Variants in ABCG2 observed in about 807,000 individuals in gnomAD.
ABCG2 encodes the protein ATP binding cassette subfamily G member 2 (JR blood group), also known as broad substrate specificity ATP-binding cassette transporter ABCG2.
ABCG2 carries 80 observed loss-of-function variants against 73.5 expected under a neutral mutation model. That is an observed-to-expected ratio of 1.09 (90% CI 0.91 to 1.31). The LOEUF (loss-of-function observed/expected upper bound fraction) is 1.31, where lower values mean the gene tolerates loss of function less well. Ranked by LOEUF, ABCG2 falls within the 50% of genes most tolerant of loss-of-function variation. The pLI, the probability that ABCG2 is intolerant of heterozygous loss-of-function variation, is 0.00. For missense variants in ABCG2, 796 were observed against 786.2 expected (o/e 1.01, Z -0.15); for synonymous variants, 269 against 282.4 (o/e 0.95, Z 0.48).
At chr4:88,225,159 T>G (rs1730158515) in intron 1 of ABCG2, among the ~76,000 whole-genome samples, 2 of 152,162 alleles carry the variant, frequency 1.3e-5, no homozygotes, top group African/African-American at 4.8e-5. Context: ...TTGGTAAACT[T>G]TTTTTTGTAA....
intron 1 of ABCG2, among the ~76,000 whole-genome samples, chr4:88,152,526 G>A (rs1726577593): frequency 6.6e-6 from 1 of 152,104 alleles, no homozygotes; most frequent in Non-Finnish European, 1.5e-5. Flanking sequence ...GCGTCACAGG[G>A]TGCTCAGCGG....
intron 9 of ABCG2, 152 bp downstream of exon 9, chr4:88,113,151 T>C: frequency 1.8e-6 from 2 of 1,102,134 alleles, no homozygotes; most frequent in Non-Finnish European, 2.6e-6. Flanking sequence ...TTAATTGTCC[T>C]TTATTTGTTC....
chr4:88,145,093 C>T (rs562827420), intron 1 of ABCG2, among the ~76,000 whole-genome samples: 30 of 149,528 alleles, frequency 2.0e-4, no homozygotes, highest in African/African-American at 6.6e-4. Context: ...TCTACTCTTC[C>T]TTTTTTTTTT....
chr4:88,142,049 T>C (rs1725684529), intron 1 of ABCG2, among the ~76,000 whole-genome samples: 1 of 151,300 alleles, frequency 6.6e-6, no homozygotes, highest in South Asian at 2.1e-4. Flanking sequence ...ACATCCAGGA[T>C]GAAAATTATG....
At chr4:88,217,156 AT>A (rs1729845185) in intron 1 of ABCG2, among the ~76,000 whole-genome samples, 1 of 152,116 alleles carries the variant, frequency 6.6e-6, no homozygotes, top group Non-Finnish European at 1.5e-5. Flanking sequence ...ATCGTCCATG[AT>A]CATGGGCATA....
chr4:88,098,441 AT>A (rs544997699), intron 12 of ABCG2, among the ~76,000 whole-genome samples: 13 of 149,024 alleles, frequency 8.7e-5, no homozygotes, highest in Non-Finnish European at 4.5e-5. Flanking sequence ...CCAAACAAGT[AT>A]TTTTTTTTTA....
intron 1 of ABCG2, among the ~76,000 whole-genome samples, chr4:88,153,195 G>A (rs1726654802): frequency 7.2e-6 from 1 of 139,092 alleles, no homozygotes; most frequent in African/African-American, 2.7e-5. Flanking sequence ...TGGTGGCTTG[G>A]AGAAACAGTG....
At chr4:88,195,384 C>G (rs1728901381) in intron 1 of ABCG2, among the ~76,000 whole-genome samples, 1 of 152,138 alleles carries the variant, frequency 6.6e-6, no homozygotes, top group African/African-American at 2.4e-5. Flanking sequence ...AGGGTTTGTT[C>G]CGGGCTATCC....
At chr4:88,202,354 T>TTATATATATATATATATA (rs57530549) in intron 1 of ABCG2, among the ~76,000 whole-genome samples, 2 of 62,080 alleles carry the variant, frequency 3.2e-5, no homozygotes, top group South Asian at 1.6e-3. Context: ...CTACAATTAT[T>TTATATATATATATATATA]TATATATATA....
intron 1 of ABCG2, among the ~76,000 whole-genome samples, chr4:88,147,316 C>G (rs1726127537): frequency 6.6e-6 from 1 of 152,096 alleles, no homozygotes; most frequent in Non-Finnish European, 1.5e-5. Context: ...CCTAAACTCT[C>G]TAGCAATATA....
Position 88,131,249 on chromosome 4 carries a change from T to C in ABCG2, c.379-36A>G, listed in dbSNP as rs111741750. 1.2e-5 allele frequency: 19 copies of C among 1,601,382 alleles called. No homozygotes were observed. The Admixed American group carries it at 1.7e-4, about 14-fold the overall frequency. On this transcript the variant is annotated intron_variant, in intron 4 of 15. Coordinates refer to ENST00000237612, the MANE Select transcript of ABCG2 (RefSeq NM_004827.3). ...ATAGCATTTTAATGAGACATAATGA[T>C]AATGAGTCTTTTCTAAGACCATGAC...
At chr4:88,159,014 C>T (rs759870916), upstream of ABCG2, 2 of 376,652 alleles carry the variant, frequency 5.3e-6, no homozygotes, top group Non-Finnish European at 1.1e-5. Context: ...TGCGACCCGG[C>T]TGAAAGCGCA....
chr4:88,163,743 G>T, upstream of ABCG2: 1 of 415,820 alleles, frequency 2.4e-6, no homozygotes, highest in Non-Finnish European at 4.8e-6. Context: ...TTGCCATGAA[G>T]GAGATGGGAA....
At chr4:88,130,477 T>C (rs1036321851) in intron 5 of ABCG2, among the ~76,000 whole-genome samples, 1 of 151,964 alleles carries the variant, frequency 6.6e-6, no homozygotes, top group Non-Finnish European at 1.5e-5. Context: ...TATATTACAA[T>C]GAAATAATAA....
chr4:88,193,137 G>A (rs922970034), intron 1 of ABCG2, among the ~76,000 whole-genome samples: 10 of 152,012 alleles, frequency 6.6e-5, no homozygotes, highest in South Asian at 2.1e-4. Context: ...GCCTTCTCAC[G>A]TACTATATAC....
At chr4:88,182,777 T>C (rs1046353530) in intron 1 of ABCG2, among the ~76,000 whole-genome samples, 1 of 152,068 alleles carries the variant, frequency 6.6e-6, no homozygotes, top group African/African-American at 2.4e-5. Context: ...AGTTTATATA[T>C]GCACCTACAT....
At chr4:88,189,067 G>A (rs1041394107) in intron 1 of ABCG2, among the ~76,000 whole-genome samples, 1 of 152,112 alleles carries the variant, frequency 6.6e-6, no homozygotes, top group Non-Finnish European at 1.5e-5. Context: ...AACACAGGAT[G>A]TCTGCATATT....
At position 88,113,439 on chromosome 4, in the gene ABCG2, G is replaced by C. The variant is rs1723283341; in HGVS notation, c.1058C>G (p.Ser353Cys). 1.9e-6 allele frequency: 3 copies of C among 1,614,108 alleles called. No individual in the cohort carries two copies. Among genetic ancestry groups the C allele is most frequent in the South Asian group, 2.2e-5 (2 of 91,074 alleles). Residue 353 changes from serine to cysteine, a missense_variant, in exon 9 of 16, where the codon TCC becomes TGC. Coordinates refer to ENST00000237612, the MANE Select transcript of ABCG2 (RefSeq NM_004827.3). ...KETKAELHQLSGGEKKKKITV... is the reference protein window; with the variant it reads ...KETKAELHQLCGGEKKKKITV... ...GATCTTCTTCTTCTTCTCACCCCCGGAAAGTTGATGTAATTCAGCTTTTGT... is the reference window on the plus strand; with the variant it reads ...GATCTTCTTCTTCTTCTCACCCCCGCAAAGTTGATGTAATTCAGCTTTTGT...
intron 9 of ABCG2, 118 bp downstream of exon 9, chr4:88,113,185 G>C (rs1480740299): frequency 7.5e-7 from 1 of 1,326,316 alleles, no homozygotes; most frequent in African/African-American, 1.5e-5. Flanking sequence ...TATATCCCAG[G>C]TGGAGTGAAG....
Sources: gnomAD v4.1 joint callset for allele counts (sites outside exome capture counted in the v4.1 genomes callset) on GRCh38, gnomAD v4.1.1 for gene constraint, MANE v1.5 for transcripts, NCBI Gene and HGNC (gene_info 2026-07-23, HGNC 2026-07-21) for gene names.